Variants in TRPM3 observed in about 807,000 individuals in gnomAD.
TRPM3 encodes long transient receptor potential channel 3.
Under a neutral mutation model 181.2 loss-of-function variants are expected in TRPM3, and 77 were observed. The observed-to-expected ratio is 0.42, with a 90% CI of 0.35 to 0.51. The LOEUF (loss-of-function observed/expected upper bound fraction) is 0.51. Ranked by LOEUF, TRPM3 falls within the 20% of genes least tolerant of loss-of-function variation. The pLI, the probability that TRPM3 is intolerant of heterozygous loss-of-function variation, is 0.01. For missense variants in TRPM3, 1,759 were observed against 2,196.7 expected (o/e 0.80, Z 3.98); for synonymous variants, 745 against 796.4 (o/e 0.94, Z 1.09).
chr9:71,382,913 T>C (rs1270297088), intron 1 of TRPM3, among the ~76,000 whole-genome samples: 1 of 152,136 alleles, frequency 6.6e-6, no homozygotes, highest in Non-Finnish European at 1.5e-5. Context: ...AATATTTTGG[T>C]AATCCTTTTC....
rs534405752 is a variant in TRPM3 at position 70,968,783 on chromosome 9, C to T, written c.178-104272G>A. 2.8e-3 allele frequency among the ~76,000 whole-genome samples: 420 copies of T among 152,022 alleles called. 3 individuals carry two copies. The highest frequency in any genetic ancestry group is 9.2e-3 in the African/African-American group (382 of 41,488). ...GATAGTATTCTATTTTATAGATAAACGGTGTTGGGAAAACTGGCTAGCCAT... is the reference window on the plus strand; with the variant it reads ...GATAGTATTCTATTTTATAGATAAATGGTGTTGGGAAAACTGGCTAGCCAT... On this transcript the variant is annotated intron_variant, in intron 1 of 25. Transcript: ENST00000677713.
chr9:70,635,080 C>A, intron 12 of TRPM3, 131 bp downstream of exon 12: 1 of 691,374 alleles, frequency 1.4e-6, no homozygotes, highest in Non-Finnish European at 2.5e-6. Flanking sequence ...CACACACACA[C>A]ACTGTTCTGA....
At chr9:71,334,997 T>A (rs1434840527) in intron 1 of TRPM3, among the ~76,000 whole-genome samples, 1 of 152,148 alleles carries the variant, frequency 6.6e-6, no homozygotes, top group African/African-American at 2.4e-5. Context: ...AATGATGGAA[T>A]TTTGCCCTAC....
At chr9:70,947,504 G>A (rs1026909137) in intron 1 of TRPM3, among the ~76,000 whole-genome samples, 1 of 152,022 alleles carries the variant, frequency 6.6e-6, no homozygotes, top group African/African-American at 2.4e-5. Flanking sequence ...GGAATTTAGA[G>A]AATTATCCTC....
At chr9:71,199,551 G>T (rs1292859832) in intron 1 of TRPM3, among the ~76,000 whole-genome samples, 1 of 152,128 alleles carries the variant, frequency 6.6e-6, no homozygotes, top group Admixed American at 6.5e-5. Flanking sequence ...CAATTTCAGA[G>T]CCTGTTATTG....
At chr9:70,657,054 G>A (rs186362262) in intron 9 of TRPM3, among the ~76,000 whole-genome samples, 1 of 151,578 alleles carries the variant, frequency 6.6e-6, no homozygotes, top group Non-Finnish European at 1.5e-5. Context: ...GACAAACCAG[G>A]AAGTCCAAGA....
At chr9:70,793,469 A>AAAATATAT (rs1491522415) in intron 6 of TRPM3, 1 of 123,220 alleles carries the variant, frequency 8.1e-6, no homozygotes, top group African/African-American at 3.0e-5. Context: ...AAAAAAAAAA[A>AAAATATAT]ATATATATAT....
chr9:70,974,258 G>C (rs1381296475), intron 1 of TRPM3, among the ~76,000 whole-genome samples: 1 of 152,042 alleles, frequency 6.6e-6, no homozygotes. Context: ...TAATTTACGT[G>C]GCCGGGCGCG....
At chr9:70,587,976 T>C (rs1230734765) in intron 22 of TRPM3, among the ~76,000 whole-genome samples, 1 of 152,156 alleles carries the variant, frequency 6.6e-6, no homozygotes, top group Non-Finnish European at 1.5e-5. Flanking sequence ...ATCTTCTGCT[T>C]CCAATCACAT....
chr9:71,146,252 T>C (rs903017320), intron 1 of TRPM3, among the ~76,000 whole-genome samples: 6 of 152,162 alleles, frequency 3.9e-5, no homozygotes, highest in Non-Finnish European at 5.9e-5. Context: ...GTAAGAATGA[T>C]GGAGCTTTCG....
chr9:71,150,532 T>G (rs541522199), intron 1 of TRPM3, among the ~76,000 whole-genome samples: 1 of 152,120 alleles, frequency 6.6e-6, no homozygotes, highest in African/African-American at 2.4e-5. Context: ...ATTTGAAAAT[T>G]TGAAATTACA....
At chr9:70,863,248 G>A in intron 2 of TRPM3, 136 bp from the exon 3 acceptor site, 1 of 677,774 alleles carries the variant, frequency 1.5e-6, no homozygotes. Flanking sequence ...CCACCATGTG[G>A]CTATATCAGG....
intron 22 of TRPM3, among the ~76,000 whole-genome samples, chr9:70,562,769 C>A (rs998544491): frequency 1.3e-5 from 2 of 152,058 alleles, no homozygotes; most frequent in African/African-American, 4.8e-5. Context: ...AAAATTCTAA[C>A]CTTAGTATTT....
intron 1 of TRPM3, among the ~76,000 whole-genome samples, chr9:70,931,282 T>G (rs914845835): frequency 2.6e-5 from 4 of 152,070 alleles, no homozygotes; most frequent in Admixed American, 6.5e-5. Flanking sequence ...AATGCAAGAG[T>G]AAATTTGAAA....
At chr9:71,080,931 T>C (rs1368039144) in intron 1 of TRPM3, among the ~76,000 whole-genome samples, 1 of 152,136 alleles carries the variant, frequency 6.6e-6, no homozygotes, top group African/African-American at 2.4e-5. Flanking sequence ...GGATGGCTAA[T>C]GCTAAACTCC....
At chr9:70,894,657 T>C (rs56010523) in intron 1 of TRPM3, among the ~76,000 whole-genome samples, 3,288 of 152,228 alleles carry the variant, frequency 0.022, 133 homozygotes, top group African/African-American at 0.074. Flanking sequence ...CAAAAGTGAA[T>C]GCAAGATTTG....
At chr9:70,920,048 C>G (rs1013400352) in intron 1 of TRPM3, among the ~76,000 whole-genome samples, 1 of 152,042 alleles carries the variant, frequency 6.6e-6, no homozygotes, top group African/African-American at 2.4e-5. Flanking sequence ...GGCATCAAGT[C>G]CAATGGGGAG....
At chr9:70,769,090 T>G (rs1032836080) in intron 7 of TRPM3, among the ~76,000 whole-genome samples, 1 of 152,214 alleles carries the variant, frequency 6.6e-6, no homozygotes, top group African/African-American at 2.4e-5. Context: ...AATTAAATGG[T>G]TCTACAGAGC....
chr9:70,992,604 A>T (rs2097499360), intron 1 of TRPM3, among the ~76,000 whole-genome samples: 1 of 152,238 alleles, frequency 6.6e-6, no homozygotes. Flanking sequence ...AGTAGCTGCT[A>T]GCCATATGTG....
Sources: gnomAD v4.1 joint callset for allele counts (sites outside exome capture counted in the v4.1 genomes callset) on GRCh38, gnomAD v4.1.1 for gene constraint, MANE v1.5 for transcripts, NCBI Gene and HGNC (gene_info 2026-07-23, HGNC 2026-07-21) for gene names.